The following NCOR1 variants were observed in gnomAD, a reference collection of about 807,000 sequenced individuals.
NCOR1 encodes the protein nuclear receptor corepressor 1.
NCOR1 carries 63 observed loss-of-function variants against 288.1 expected under a neutral mutation model. That is an observed-to-expected ratio of 0.22 (90% CI 0.18 to 0.27). NCOR1 has a LOEUF of 0.27. Ranked by LOEUF, NCOR1 falls within the 10% of genes least tolerant of loss-of-function variation. NCOR1 has a pLI of 1.00. For missense variants in NCOR1, 2,397 were observed against 3,019.2 expected (o/e 0.79, Z 4.83); for synonymous variants, 1,007 against 1,065.9 (o/e 0.94, Z 1.08).
intron 42 of NCOR1, among the ~76,000 whole-genome samples, chr17:16,042,958 G>T (rs2058015051): frequency 6.6e-6 from 1 of 152,146 alleles, no homozygotes; most frequent in South Asian, 2.1e-4. Flanking sequence ...TAGATGAGAT[G>T]ACTCAAATTA....
chr17:16,061,967 G>A, intron 36 of NCOR1, 73 bp from the exon 37 acceptor site: 1 of 1,564,664 alleles, frequency 6.4e-7, no homozygotes, highest in Non-Finnish European at 8.6e-7. Flanking sequence ...GAGATGGAAG[G>A]ACAAACTGCA....
At position 16,031,385 on chromosome 17, in the gene NCOR1, A is replaced by G. The variant is rs1179136460; in HGVS notation, c.*911T>C. The G allele has an allele frequency of 5.2e-6, 1 of 190,630 alleles. No homozygotes were observed. The highest frequency in any genetic ancestry group is 1.1e-5 in the Non-Finnish European group (1 of 90,908). The allele number at this position is 190,630 out of a possible 1,614,324, so 11.8% of individuals were successfully genotyped here. On this transcript the variant is annotated 3_prime_UTR_variant, in exon 46 of 46. Transcript: ENST00000268712. ...CCTGAGACACCAGGAGCCTTAAACC[A>G]CAAATAATCTACTGTAGCTATGGAC...
rs77987278 is a variant in NCOR1 at position 16,128,680 on chromosome 17, C to G, written c.1510-2474G>C. Among the ~76,000 whole-genome samples, 1,233 of 152,290 alleles carry G rather than the reference C, an allele frequency of 8.1e-3. 21 individuals carry two copies. Among genetic ancestry groups the G allele is most frequent in the African/African-American group, 0.028 (1,178 of 41,548 alleles). On this transcript the variant is annotated intron_variant, in intron 14 of 45. Transcript: ENST00000268712. ...GCCTCATAGCAACTCTACCTGTCCT[C>G]TTACTTGTTTTTACCAGACAATATG... is the stretch of plus-strand genomic sequence containing the variant.
intron 21 of NCOR1, 34 bp from the exon 22 acceptor site, chr17:16,092,092 A>C (rs1448163886): frequency 3.7e-6 from 6 of 1,603,050 alleles, no homozygotes; most frequent in East Asian, 2.2e-5. Flanking sequence ...ATATGCAAAC[A>C]ACCAATGTAA....
Position 16,057,582 on chromosome 17 carries a change from C to G in NCOR1, c.6324G>C (p.Gln2108His). 1 of 1,614,146 alleles carries G rather than the reference C, an allele frequency of 6.2e-7. No homozygotes were observed. Among genetic ancestry groups the G allele is most frequent in the Non-Finnish European group, 8.5e-7 (1 of 1,180,028 alleles). Reference sequence around the variant, plus strand: ...AACCTGGTCTTTGATGATGGACAGACTGAGCCTGGGATTCTGGGCTGTAAC... The same window carrying G: ...AACCTGGTCTTTGATGATGGACAGAGTGAGCCTGGGATTCTGGGCTGTAAC... ...SNRYSPESQA[Q>H]SVHHQRPGSR... Residue 2108 changes from glutamine (Q) to histidine (H), a missense_variant, in exon 40 of 46, where the codon CAG becomes CAC. By Grantham distance (24) the Gln-to-His change is conservative (BLOSUM62 0). Transcript: ENST00000268712.
intron 18 of NCOR1, among the ~76,000 whole-genome samples, chr17:16,116,505 C>T (rs1251378828): frequency 2.6e-5 from 4 of 152,154 alleles, no homozygotes; most frequent in African/African-American, 9.7e-5. Context: ...AAAGTGGCAA[C>T]AAACACTATC....
intron 44 of NCOR1, among the ~76,000 whole-genome samples, chr17:16,036,092 T>C (rs1198881422): frequency 6.6e-6 from 1 of 152,268 alleles, no homozygotes; most frequent in Admixed American, 6.5e-5. Flanking sequence ...TTATGAAATG[T>C]ATTTCTTAAA....
chr17:16,128,814 C>T (rs2075155569), intron 14 of NCOR1, among the ~76,000 whole-genome samples: 1 of 152,188 alleles, frequency 6.6e-6, no homozygotes, highest in African/African-American at 2.4e-5. Flanking sequence ...ATAATGAAGG[C>T]CTTATTCACC....
chr17:16,119,358 A>G (rs2072497167), intron 17 of NCOR1, 65 bp downstream of exon 17: 1 of 1,157,154 alleles, frequency 8.6e-7, no homozygotes, highest in Admixed American at 2.0e-5. Context: ...GTTCCATCTC[A>G]CTCATTACTA....
chr17:16,047,203 A>C, intron 41 of NCOR1, 110 bp from the exon 42 acceptor site: 2 of 1,142,972 alleles, frequency 1.7e-6, no homozygotes, highest in Non-Finnish European at 2.5e-6. Context: ...CTGCCTCCTC[A>C]TCCTGTGTTT....
At chr17:16,107,288 A>G (rs952534966) in intron 19 of NCOR1, among the ~76,000 whole-genome samples, 5 of 151,908 alleles carry the variant, frequency 3.3e-5, no homozygotes, top group Admixed American at 2.6e-4. Context: ...CTACCCCCCA[A>G]TGTAACTGTA....
intron 15 of NCOR1, among the ~76,000 whole-genome samples, chr17:16,124,296 A>G (rs2073593452): frequency 6.6e-6 from 1 of 152,142 alleles, no homozygotes; most frequent in Non-Finnish European, 1.5e-5. Context: ...AAAGGCATTC[A>G]TGCTAAGTAA....
At chr17:16,116,467 C>A (rs1046466588) in intron 18 of NCOR1, among the ~76,000 whole-genome samples, 2 of 152,188 alleles carry the variant, frequency 1.3e-5, no homozygotes, top group Admixed American at 1.3e-4. Context: ...CCAAAATTCT[C>A]ATTTTTTGCT....
At chr17:16,078,092 C>A (rs1241753947) in intron 26 of NCOR1, among the ~76,000 whole-genome samples, 1 of 152,156 alleles carries the variant, frequency 6.6e-6, no homozygotes, top group Non-Finnish European at 1.5e-5. Flanking sequence ...TTTACCCTTC[C>A]TTTAAGCAGC....
chr17:16,143,774 CT>C, intron 10 of NCOR1, 78 bp from the exon 11 acceptor site: 1 of 1,087,644 alleles, frequency 9.2e-7, no homozygotes, highest in South Asian at 1.5e-5. Context: ...CTATAGATTA[CT>C]TTTCTGAATG....
intron 8 of NCOR1, 145 bp downstream of exon 8, chr17:16,151,801 T>G: frequency 1.1e-6 from 1 of 895,278 alleles, no homozygotes; most frequent in Admixed American, 2.6e-5. Flanking sequence ...CAGAGGAAGA[T>G]AACATATAAT....
intron 1 of NCOR1, among the ~76,000 whole-genome samples, chr17:16,207,131 A>C (rs2091604836): frequency 6.6e-6 from 1 of 152,208 alleles, no homozygotes; most frequent in African/African-American, 2.4e-5. Context: ...AAATACCTCC[A>C]AATACATAAA....
chr17:16,075,844 A>G (rs770958752), intron 26 of NCOR1, 142 bp from the exon 27 acceptor site: 126 of 855,590 alleles, frequency 1.5e-4, no homozygotes, highest in Non-Finnish European at 2.1e-4. Context: ...AAAGGAAATT[A>G]GACATTGAAT....
intron 9 of NCOR1, among the ~76,000 whole-genome samples, chr17:16,148,223 G>A (rs2078294224): frequency 6.6e-6 from 1 of 152,058 alleles, no homozygotes; most frequent in Admixed American, 6.5e-5. Context: ...TCACCACACT[G>A]CCAGCTCAGT....
Sources: allele counts gnomAD v4.1 joint callset (sites outside exome capture counted in the v4.1 genomes callset), GRCh38; gene constraint gnomAD v4.1.1; transcripts MANE v1.5; gene names NCBI Gene and HGNC (gene_info 2026-07-23, HGNC 2026-07-21).